The following TRHDE variants were observed in gnomAD, a reference collection of about 807,000 sequenced individuals.
TRHDE encodes thyrotropin-releasing hormone-degrading ectoenzyme.
In TRHDE, 72 loss-of-function variants were observed where a neutral mutation model predicts 125.7. The ratio of observed to expected loss-of-function variants is 0.57; its 90% confidence interval spans 0.47 to 0.70. The LOEUF (loss-of-function observed/expected upper bound fraction) is 0.70. Among genes scored for constraint, TRHDE ranks in the 30% least tolerant of loss-of-function variants. TRHDE has a pLI of 0.00. For synonymous variants in TRHDE, 509 were observed against 509.1 expected (o/e 1.00, Z 0.00); for missense variants, 1,110 against 1,327.1 (o/e 0.84, Z 2.54).
At chr12:72,333,017 T>C (rs1387325533) in intron 2 of TRHDE, among the ~76,000 whole-genome samples, 1 of 152,262 alleles carries the variant, frequency 6.6e-6, no homozygotes, top group African/African-American at 2.4e-5. Flanking sequence ...ACTTAGGAGA[T>C]GAATACATTT....
At chr12:72,644,273 G>C (rs916249269) in intron 15 of TRHDE, among the ~76,000 whole-genome samples, 5 of 151,810 alleles carry the variant, frequency 3.3e-5, no homozygotes, top group Non-Finnish European at 7.4e-5. Flanking sequence ...CCTCCTCCCG[G>C]CTTCTCCCAG....
chr12:72,385,316 T>A (rs1872364460), intron 3 of TRHDE, among the ~76,000 whole-genome samples: 1 of 152,114 alleles, frequency 6.6e-6, no homozygotes, highest in South Asian at 2.1e-4. Flanking sequence ...CTCTGTGGGT[T>A]AGCATTATTA....
intron 15 of TRHDE, among the ~76,000 whole-genome samples, chr12:72,622,110 G>T (rs747834201): frequency 6.6e-6 from 1 of 151,746 alleles, no homozygotes; most frequent in East Asian, 1.9e-4. Context: ...GTATTTATTC[G>T]TAGAACAATT....
intron 2 of TRHDE, among the ~76,000 whole-genome samples, chr12:72,151,715 G>A (rs939261415): frequency 6.6e-6 from 1 of 152,164 alleles, no homozygotes; most frequent in South Asian, 2.1e-4. Flanking sequence ...TAGACATGTG[G>A]CATTATTTCT....
At chr12:72,446,274 T>C (rs1875279196) in intron 3 of TRHDE, among the ~76,000 whole-genome samples, 1 of 151,454 alleles carries the variant, frequency 6.6e-6, no homozygotes, top group African/African-American at 2.4e-5. Context: ...TTACATTGGG[T>C]ATATCTCCTA....
chr12:72,288,562 A>G (rs980276110), intron 2 of TRHDE, among the ~76,000 whole-genome samples: 1 of 152,192 alleles, frequency 6.6e-6, no homozygotes, highest in African/African-American at 2.4e-5. Flanking sequence ...TCATTGGACC[A>G]TACACAGACA....
Position 72,224,138 on chromosome 12 carries a change from CTATTTATCTATGTATG to C in TRHDE, n.279+118390_279+118405del, listed in dbSNP as rs1565666685. ...TCTATCTATCTATCTATCTATCTAT[CTATTTATCTATGTATG>C]TATGTATGTATGTATCTATCTATCT... is the stretch of plus-strand genomic sequence containing the variant. On this transcript the variant is annotated intron_variant and non_coding_transcript_variant, in intron 2 of 4. Coordinates refer to the TRHDE transcript ENST00000548156. Among the ~76,000 whole-genome samples, 334 of 53,044 alleles carry C rather than the reference CTATTTATCTATGTATG, an allele frequency of 6.3e-3. 1 individual carries two copies. Among genetic ancestry groups the C allele is most frequent in the Middle Eastern group, 9.4e-3 (1 of 106 alleles). The allele number at this position is 53,044 out of a possible 152,430, so 34.8% of individuals were successfully genotyped here.
chr12:72,441,846 A>T (rs1875030350), intron 3 of TRHDE, among the ~76,000 whole-genome samples: 1 of 151,930 alleles, frequency 6.6e-6, no homozygotes, highest in African/African-American at 2.4e-5. Flanking sequence ...AGTGCTTGAA[A>T]TATAAAATAA....
chr12:72,660,804 A>G (rs1433809132), intron 18 of TRHDE, among the ~76,000 whole-genome samples: 1 of 152,154 alleles, frequency 6.6e-6, no homozygotes, highest in Non-Finnish European at 1.5e-5. Context: ...TTCTTCGCCC[A>G]CAAATGGCAG....
At chr12:72,560,091 T>C (rs1272548887) in intron 7 of TRHDE, among the ~76,000 whole-genome samples, 1 of 148,542 alleles carries the variant, frequency 6.7e-6, no homozygotes, top group East Asian at 2.0e-4. Context: ...TAATTCAAGC[T>C]GTAAGTTTAT....
At chr12:72,213,238 G>A (rs968084337) in intron 2 of TRHDE, among the ~76,000 whole-genome samples, 9 of 151,914 alleles carry the variant, frequency 5.9e-5, no homozygotes, top group African/African-American at 2.2e-4. Flanking sequence ...GTTGCTTTTA[G>A]CGGGACACAA....
intron 2 of TRHDE, among the ~76,000 whole-genome samples, chr12:72,249,152 G>C (rs1878632437): frequency 6.6e-6 from 1 of 152,008 alleles, no homozygotes; most frequent in Admixed American, 6.6e-5. Flanking sequence ...AATTTTCATA[G>C]AAGACAAAAT....
chr12:72,646,752 T>A (rs1003106564), intron 15 of TRHDE, among the ~76,000 whole-genome samples: 12 of 152,034 alleles, frequency 7.9e-5, no homozygotes, highest in Admixed American at 7.2e-4. Flanking sequence ...GGCACTATAT[T>A]ATAATAAAAG....
At chr12:72,540,017 A>G (rs532887650) in intron 6 of TRHDE, among the ~76,000 whole-genome samples, 1 of 151,712 alleles carries the variant, frequency 6.6e-6, no homozygotes, top group African/African-American at 2.4e-5. Flanking sequence ...GAGTTTTCTT[A>G]AAAAAAGTTT....
chr12:72,161,792 T>G (rs1198609598), intron 2 of TRHDE, among the ~76,000 whole-genome samples: 2 of 152,240 alleles, frequency 1.3e-5, no homozygotes, highest in African/African-American at 4.8e-5. Context: ...AACTTCCATA[T>G]GGCAGATTAC....
chr12:72,149,723 C>T (rs1289468215), intron 2 of TRHDE, among the ~76,000 whole-genome samples: 1 of 151,916 alleles, frequency 6.6e-6, no homozygotes, highest in African/African-American at 2.4e-5. Context: ...AGAGCAATTG[C>T]TAATATTTTG....
At chr12:72,389,126 G>A (rs1020800035) in intron 3 of TRHDE, among the ~76,000 whole-genome samples, 2 of 152,036 alleles carry the variant, frequency 1.3e-5, no homozygotes, top group Non-Finnish European at 2.9e-5. Flanking sequence ...AGAAAATAGA[G>A]CAGAGAAGAA....
chr12:72,583,105 C>T (rs1422225801), intron 12 of TRHDE, among the ~76,000 whole-genome samples: 2 of 152,116 alleles, frequency 1.3e-5, no homozygotes, highest in Non-Finnish European at 2.9e-5. Context: ...AGAGTGGCGT[C>T]CATGTATGGT....
intron 5 of TRHDE, among the ~76,000 whole-genome samples, chr12:72,477,080 C>A (rs1163878888): frequency 6.6e-6 from 1 of 152,094 alleles, no homozygotes; most frequent in Non-Finnish European, 1.5e-5. Flanking sequence ...TCTAACTCAT[C>A]CTTATCATTT....
Sources: allele counts gnomAD v4.1 joint callset (sites outside exome capture counted in the v4.1 genomes callset), GRCh38; gene constraint gnomAD v4.1.1; transcripts MANE v1.5; gene names NCBI Gene and HGNC (gene_info 2026-07-23, HGNC 2026-07-21).